The following TANC1 variants were observed in gnomAD, a reference collection of about 807,000 sequenced individuals.
The protein encoded by TANC1 is tetratricopeptide repeat, ankyrin repeat and coiled-coil containing 1.
TANC1 carries 77 observed loss-of-function variants against 149.7 expected under a neutral mutation model. The observed-to-expected ratio is 0.51, with a 90% confidence interval of 0.43 to 0.62. TANC1 has a LOEUF of 0.62. Ranked by LOEUF, TANC1 falls within the 20% of genes least tolerant of loss-of-function variation. The pLI is 0.00. For synonymous variants in TANC1, 854 were observed against 925.0 expected (o/e 0.92, Z 1.39); for missense variants, 1,985 against 2,321.8 (o/e 0.85, Z 2.98).
chr2:158,977,544 C>G lies in TANC1; in HGVS notation c.-126+8762C>G, dbSNP rs2033832958. Among the ~76,000 whole-genome samples the G allele has an allele frequency of 2.0e-5, 3 of 151,954 alleles. No homozygotes were observed. In the South Asian group the frequency reaches 6.2e-4, roughly 32 times the overall value. On this transcript the variant is annotated intron_variant, in intron 1 of 26. Coordinates refer to ENST00000263635, the MANE Select transcript of TANC1 (RefSeq NM_033394.3). ...CAGGCTGGTCTCAAACTCCTGAGCT[C>G]AAGTGATCTGCCCGCCTCGGCCTCC...
intron 3 of TANC1, among the ~76,000 whole-genome samples, chr2:159,079,643 G>A (rs531010929): frequency 7.0e-4 from 107 of 152,254 alleles, no homozygotes; most frequent in African/African-American, 2.4e-3. Context: ...TTGTTGACAA[G>A]GGCTGTCCCA....
At chr2:159,156,316 T>G (rs1467327129) in intron 7 of TANC1, among the ~76,000 whole-genome samples, 1 of 152,224 alleles carries the variant, frequency 6.6e-6, no homozygotes, top group Non-Finnish European at 1.5e-5. Flanking sequence ...AGAAGAATTT[T>G]TCTTTATGTA....
chr2:159,171,044 C>T (rs1167898136), intron 10 of TANC1, among the ~76,000 whole-genome samples: 1 of 146,234 alleles, frequency 6.8e-6, no homozygotes, highest in Non-Finnish European at 1.5e-5. Flanking sequence ...ACCCCCTCTT[C>T]CTTTAGATAC....
intron 1 of TANC1, among the ~76,000 whole-genome samples, chr2:158,994,800 T>C (rs1213444360): frequency 6.6e-6 from 1 of 152,244 alleles, no homozygotes; most frequent in African/African-American, 2.4e-5. Context: ...GAGAATATGC[T>C]TTAGGTTTTA....
In TANC1 at chr2:159,172,285, G is replaced by T; in HGVS notation, c.1503+13G>T. The stretch of plus-strand genomic sequence containing the variant: ...TCTTGCTTCTAAGGTAATCTTTCTT[G>T]TTTTATTGGAGCCTTCCACATAGAG... On this transcript the variant is annotated intron_variant, in intron 11 of 26. Transcript: ENST00000263635. 6.2e-7 allele frequency: 1 copy of T among 1,612,494 alleles called. No homozygotes were observed. Among genetic ancestry groups the T allele is most frequent in the Non-Finnish European group, 8.5e-7 (1 of 1,179,074 alleles).
At chr2:159,162,547 C>G (rs2054145388) in intron 7 of TANC1, among the ~76,000 whole-genome samples, 1 of 152,170 alleles carries the variant, frequency 6.6e-6, no homozygotes, top group African/African-American at 2.4e-5. Context: ...TGACCATGTT[C>G]TTTCTGCTCT....
At chr2:159,164,800 A>G (rs1485825546) in intron 8 of TANC1, among the ~76,000 whole-genome samples, 1 of 152,200 alleles carries the variant, frequency 6.6e-6, no homozygotes, top group Non-Finnish European at 1.5e-5. Flanking sequence ...AAGTGGCCCT[A>G]ATGGAAAAGT....
At chr2:159,165,015 A>G (rs950402853) in intron 8 of TANC1, among the ~76,000 whole-genome samples, 1 of 152,188 alleles carries the variant, frequency 6.6e-6, no homozygotes, top group Non-Finnish European at 1.5e-5. Flanking sequence ...GACCGTATTT[A>G]CCTAGTTATG....
At chr2:159,050,140 C>T (rs2041361663) in intron 2 of TANC1, among the ~76,000 whole-genome samples, 2 of 152,164 alleles carry the variant, frequency 1.3e-5, no homozygotes, top group South Asian at 4.1e-4. Context: ...AAGAGCCTCA[C>T]TCTGTTATCT....
At chr2:158,976,231 G>A (rs1231342572) in intron 1 of TANC1, among the ~76,000 whole-genome samples, 1 of 152,168 alleles carries the variant, frequency 6.6e-6, no homozygotes, top group Non-Finnish European at 1.5e-5. Flanking sequence ...AAAAAATTAA[G>A]CTTTTAAAAT....
In TANC1 at chr2:159,230,778, C is replaced by A. The variant is rs199565667; in HGVS notation, c.5352C>A (p.Thr1784=). 551 of 1,614,092 alleles carry A rather than the reference C, an allele frequency of 3.4e-4. No homozygotes were observed. The highest frequency in any genetic ancestry group is 5.3e-4 in the Admixed American group (32 of 60,004). The stretch of plus-strand genomic sequence containing the variant: ...GAGGATATAATAACCAAGCCAAAAC[C>A]TGTTCTGTTTCTACCCTGAGTGCAA... ...QVGGYNNQAK[T]CSVSTLSASV... The change falls in exon 27 of 27, where the codon ACC becomes ACA. Residue 1784 remains threonine, a synonymous_variant. Coordinates refer to ENST00000263635, the MANE Select transcript of TANC1 (RefSeq NM_033394.3). The surrounding 1 kb of genome is among the most constrained non-coding windows in gnomAD (Gnocchi z 4.4).
intron 6 of TANC1, chr2:159,149,707 A>G (rs985646770): frequency 5.0e-6 from 1 of 200,608 alleles, no homozygotes; most frequent in East Asian, 1.4e-4. Flanking sequence ...GAGACAAAAT[A>G]AGATGAGATC....
intron 7 of TANC1, among the ~76,000 whole-genome samples, chr2:159,157,719 G>A (rs1252247549): frequency 6.6e-6 from 1 of 152,060 alleles, no homozygotes. Flanking sequence ...TTCCTTTCTT[G>A]TTTGATCCTT....
chr2:159,007,665 A>G (rs538741789), intron 2 of TANC1, among the ~76,000 whole-genome samples: 63 of 152,306 alleles, frequency 4.1e-4, no homozygotes, highest in Admixed American at 2.9e-3. Flanking sequence ...CTCCTGACAC[A>G]TTTCTCAGAA....
chr2:159,049,781 A>T (rs1357451544), intron 2 of TANC1, among the ~76,000 whole-genome samples: 1 of 152,176 alleles, frequency 6.6e-6, no homozygotes, highest in East Asian at 1.9e-4. Flanking sequence ...TATCAGCAGG[A>T]ACCTGGACCC....
At chr2:159,112,092 A>G (rs1373171234) in intron 4 of TANC1, among the ~76,000 whole-genome samples, 1 of 152,190 alleles carries the variant, frequency 6.6e-6, no homozygotes, top group Non-Finnish European at 1.5e-5. Flanking sequence ...TTACAAAATA[A>G]TTCACTTTTT....
chr2:158,997,215 G>T (rs760291706), intron 1 of TANC1, among the ~76,000 whole-genome samples: 150 of 152,174 alleles, frequency 9.9e-4, no homozygotes, highest in Non-Finnish European at 1.9e-3. Context: ...TTCCAACGCT[G>T]CTTTATATAT....
intron 12 of TANC1, among the ~76,000 whole-genome samples, chr2:159,175,639 C>T (rs540126985): frequency 4.6e-5 from 7 of 152,292 alleles, no homozygotes; most frequent in East Asian, 1.9e-4. Context: ...TGTTTGTCCC[C>T]GACAAGGTAA....
intron 13 of TANC1, among the ~76,000 whole-genome samples, chr2:159,176,907 ATTTTTT>A (rs10647127): frequency 2.9e-5 from 3 of 101,986 alleles, no homozygotes; most frequent in African/African-American, 7.8e-5. Context: ...AAGGTGAAAG[ATTTTTT>A]TTTTTTTTTT....
Sources: allele counts gnomAD v4.1 joint callset (sites outside exome capture counted in the v4.1 genomes callset), GRCh38; gene constraint gnomAD v4.1.1; non-coding constraint Gnocchi (gnomAD v3.1); transcripts MANE v1.5; gene names NCBI Gene and HGNC (gene_info 2026-07-23, HGNC 2026-07-21).